Variants in NXPH2 observed in about 807,000 individuals in gnomAD.
NXPH2 encodes neurexophilin-2.
Under a neutral mutation model 19.8 loss-of-function variants are expected in NXPH2, and 5 were observed. That is an observed-to-expected ratio of 0.25 (90% CI 0.13 to 0.53). NXPH2 has a LOEUF of 0.53. Among genes scored for constraint, NXPH2 ranks in the 20% least tolerant of loss-of-function variants. NXPH2 has a pLI of 0.96. For missense variants in NXPH2, 289 were observed against 322.8 expected (o/e 0.90, Z 0.80); for synonymous variants, 154 against 127.4 (o/e 1.21, Z -1.41).
intron 1 of NXPH2, among the ~76,000 whole-genome samples, chr2:138,677,546 G>A (rs2104966869): frequency 6.6e-6 from 1 of 152,272 alleles, no homozygotes; most frequent in East Asian, 1.9e-4. Context: ...AGAAGAATAA[G>A]ACTGTATTTC....
intron 1 of NXPH2, among the ~76,000 whole-genome samples, chr2:138,774,057 C>T (rs1207266315): frequency 6.6e-6 from 1 of 152,160 alleles, no homozygotes; most frequent in Non-Finnish European, 1.5e-5. Flanking sequence ...TTTAAATAGA[C>T]TGTATTCTAT....
At chr2:138,756,612 T>C (rs1681913211) in intron 1 of NXPH2, among the ~76,000 whole-genome samples, 1 of 152,178 alleles carries the variant, frequency 6.6e-6, no homozygotes, top group South Asian at 2.1e-4. Context: ...CAATCCACAA[T>C]AATAATTAAT....
intron 1 of NXPH2, among the ~76,000 whole-genome samples, chr2:138,755,703 G>A (rs1007351421): frequency 4.6e-5 from 7 of 152,048 alleles, no homozygotes; most frequent in Admixed American, 1.3e-4. Flanking sequence ...CAATATCTGC[G>A]AAGTAGCCTG....
intron 1 of NXPH2, among the ~76,000 whole-genome samples, chr2:138,766,431 G>A (rs770836903): frequency 5.3e-5 from 8 of 152,140 alleles, no homozygotes; most frequent in Non-Finnish European, 1.0e-4. Flanking sequence ...TCAATGTCTG[G>A]AGACTTTTTT....
At chr2:138,749,409 C>G (rs1177710242) in intron 1 of NXPH2, among the ~76,000 whole-genome samples, 1 of 152,118 alleles carries the variant, frequency 6.6e-6, no homozygotes, top group Non-Finnish European at 1.5e-5. Flanking sequence ...TAATACCTTA[C>G]ATTAATGATA....
chr2:138,718,389 TCAAACAAACAAA>T (rs539939853), intron 1 of NXPH2, among the ~76,000 whole-genome samples: 2 of 151,948 alleles, frequency 1.3e-5, no homozygotes, highest in Non-Finnish European at 2.9e-5. Flanking sequence ...GCAAAGATTG[TCAAACAAACAAA>T]CAAACAAACA....
chr2:138,722,149 A>G (rs1201026124), intron 1 of NXPH2, among the ~76,000 whole-genome samples: 1 of 152,242 alleles, frequency 6.6e-6, no homozygotes, highest in Non-Finnish European at 1.5e-5. Context: ...AAACAAATAC[A>G]TATTAAAGAA....
intron 1 of NXPH2, among the ~76,000 whole-genome samples, chr2:138,695,017 T>C (rs1680808299): frequency 1.3e-5 from 2 of 152,146 alleles, no homozygotes; most frequent in Non-Finnish European, 2.9e-5. Flanking sequence ...TGGTAAGGAT[T>C]CATATATCTA....
chr2:138,778,252 C>G (rs1682296715), intron 1 of NXPH2, among the ~76,000 whole-genome samples: 1 of 152,136 alleles, frequency 6.6e-6, no homozygotes, highest in Admixed American at 6.5e-5. Flanking sequence ...GCTGCAGCTC[C>G]CTACCTCACT....
At chr2:138,700,762 C>T (rs1237357109) in intron 1 of NXPH2, among the ~76,000 whole-genome samples, 19 of 151,856 alleles carry the variant, frequency 1.3e-4, no homozygotes, top group Admixed American at 1.2e-3. Flanking sequence ...TTCTTGGATG[C>T]CTGAGAGATT....
At chr2:138,700,436 CA>C (rs2104981545) in intron 1 of NXPH2, among the ~76,000 whole-genome samples, 1 of 152,244 alleles carries the variant, frequency 6.6e-6, no homozygotes, top group Non-Finnish European at 1.5e-5. Context: ...TGCTGGGTAT[CA>C]AGCCACATAA....
At chr2:138,744,200 T>C (rs1681690932) in intron 1 of NXPH2, among the ~76,000 whole-genome samples, 1 of 152,158 alleles carries the variant, frequency 6.6e-6, no homozygotes, top group Non-Finnish European at 1.5e-5. Context: ...ATTTGTCTAT[T>C]ACACTGTACT....
At position 138,768,034 on chromosome 2, in the gene NXPH2, G is replaced by A. The variant is rs551526435; in HGVS notation, c.51+12157C>T. Among the ~76,000 whole-genome samples, 6 of 151,856 alleles carry A rather than the reference G, an allele frequency of 4.0e-5. No individual in the cohort carries two copies. In the East Asian group the frequency reaches 7.7e-4, roughly 20 times the overall value. On this transcript the variant is annotated intron_variant, in intron 1 of 1. Coordinates refer to ENST00000272641, the MANE Select transcript of NXPH2 (RefSeq NM_007226.3). ...TTTTATTTTGTCAGTTATAAATTTC[G>A]TTTCTAATAATTATTTATTGTTCCC...
chr2:138,760,574 G>A (rs1030162456), intron 1 of NXPH2, among the ~76,000 whole-genome samples: 1 of 152,110 alleles, frequency 6.6e-6, no homozygotes, highest in Admixed American at 6.5e-5. Context: ...AAACTAAGTA[G>A]AACTAGCTCC....
intron 1 of NXPH2, among the ~76,000 whole-genome samples, chr2:138,698,609 C>T (rs1680865465): frequency 6.6e-6 from 1 of 152,146 alleles, no homozygotes; most frequent in Admixed American, 6.5e-5. Flanking sequence ...AATCTCAGCA[C>T]TGTGGGAGGC....
chr2:138,683,729 A>ACAAT (rs1680610166), intron 1 of NXPH2, among the ~76,000 whole-genome samples: 3 of 152,350 alleles, frequency 2.0e-5, no homozygotes, highest in Admixed American at 2.0e-4. Flanking sequence ...ATTTGTATCT[A>ACAAT]CAATCAGTCC....
At position 138,769,410 on chromosome 2, in the gene NXPH2, C is replaced by T. The variant is rs145968056; in HGVS notation, c.51+10781G>A. 9.9e-5 allele frequency among the ~76,000 whole-genome samples: 15 copies of T among 152,094 alleles called. No individual in the cohort carries two copies. The East Asian group carries it at 2.7e-3, about 27-fold the overall frequency. On this transcript the variant is annotated intron_variant, in intron 1 of 1. Coordinates refer to ENST00000272641, the MANE Select transcript of NXPH2 (RefSeq NM_007226.3). ...AAGAATGCATGCACTTGCCTCCCTCCAAAAATCCCAGTGAAAAGAACTAGA... is the reference window on the plus strand; with the variant it reads ...AAGAATGCATGCACTTGCCTCCCTCTAAAAATCCCAGTGAAAAGAACTAGA...
intron 1 of NXPH2, among the ~76,000 whole-genome samples, chr2:138,749,010 C>T (rs1458875825): frequency 2.0e-5 from 3 of 152,124 alleles, no homozygotes; most frequent in Non-Finnish European, 2.9e-5. Flanking sequence ...TTTTAGGTTT[C>T]ATTATGGCTT....
At chr2:138,741,440 A>ACT in intron 1 of NXPH2, among the ~76,000 whole-genome samples, 1 of 152,308 alleles carries the variant, frequency 6.6e-6, no homozygotes, top group African/African-American at 2.4e-5. Context: ...GAATGCTAGA[A>ACT]AAACAGGAAA....
Sources: gnomAD v4.1 joint callset for allele counts (sites outside exome capture counted in the v4.1 genomes callset) on GRCh38, gnomAD v4.1.1 for gene constraint, MANE v1.5 for transcripts, NCBI Gene and HGNC (gene_info 2026-07-23, HGNC 2026-07-21) for gene names.